Variants in FAM228B observed in about 807,000 individuals in gnomAD.
The protein encoded by FAM228B is family with sequence similarity 228 member B, also known as protein FAM228B.
FAM228B carries 38 observed loss-of-function variants against 42.6 expected under a neutral mutation model. That is an observed-to-expected ratio of 0.89 (90% CI 0.69 to 1.17). FAM228B has a LOEUF of 1.17. FAM228B is among the 50% of genes most tolerant of loss of function. The pLI, the probability that FAM228B is intolerant of heterozygous loss-of-function variation, is 0.00. For synonymous variants in FAM228B, 109 were observed against 122.3 expected (o/e 0.89, Z 0.72); for missense variants, 344 against 367.3 (o/e 0.94, Z 0.52).
At position 24,084,179 on chromosome 2, in the gene FAM228B, C is replaced by G; in HGVS notation, c.-210+3224C>G. The G allele has an allele frequency of 4.4e-6, 7 of 1,607,646 alleles. No individual in the cohort carries two copies. Among genetic ancestry groups the G allele is most frequent in the Non-Finnish European group, 5.9e-6 (7 of 1,177,806 alleles). On this transcript the variant is annotated intron_variant, in intron 2 of 10. Transcript: ENST00000613899. This position sits in a 1 kb window ranked among gnomAD's most constrained non-coding sequence, Gnocchi z 8.4. ...TCCCGCCCGCCCCGGCGCGGCTGAGCCCTGGGTACCTGCATTAAGTCCGCC... is the reference window on the plus strand; with the variant it reads ...TCCCGCCCGCCCCGGCGCGGCTGAGGCCTGGGTACCTGCATTAAGTCCGCC...
In FAM228B at chr2:24,146,744, G is replaced by A; in HGVS notation, c.442-4G>A. 3 of 1,545,054 alleles carry A rather than the reference G, an allele frequency of 1.9e-6. No homozygotes were observed. The highest frequency in any genetic ancestry group is 2.6e-6 in the Non-Finnish European group (3 of 1,143,002). Reference sequence around the variant, plus strand: ...CAGTGCTTAAACAAGTGCCTCTCTTGTAGGTTACCATCCCACCATTTCATG... The same window carrying A: ...CAGTGCTTAAACAAGTGCCTCTCTTATAGGTTACCATCCCACCATTTCATG... On this transcript the variant is annotated splice_polypyrimidine_tract_variant and splice_region_variant and intron_variant, in intron 5 of 10. Coordinates refer to ENST00000615575, the MANE Select transcript of FAM228B (RefSeq NM_001145710.2).
At chr2:24,131,568 G>A (rs1666453650) in intron 2 of FAM228B, among the ~76,000 whole-genome samples, 1 of 152,058 alleles carries the variant, frequency 6.6e-6, no homozygotes, top group Admixed American at 6.6e-5. Flanking sequence ...ATATTCCTAG[G>A]TATTTTATTT....
chr2:24,136,359 G>T (rs1370533323), intron 3 of FAM228B, among the ~76,000 whole-genome samples: 1 of 152,136 alleles, frequency 6.6e-6, no homozygotes, highest in Non-Finnish European at 1.5e-5. Flanking sequence ...AAGTAGCTGG[G>T]ATTATAGGCA....
intron 10 of FAM228B, among the ~76,000 whole-genome samples, chr2:24,168,878 C>T (rs376293762): frequency 2.7e-4 from 41 of 152,246 alleles, no homozygotes; most frequent in African/African-American, 9.1e-4. Flanking sequence ...GTCAAACTAG[C>T]TCAGTGGATT....
intron 7 of FAM228B, among the ~76,000 whole-genome samples, chr2:24,160,608 A>C (rs777626391): frequency 6.6e-6 from 1 of 151,560 alleles, no homozygotes; most frequent in Non-Finnish European, 1.5e-5. Flanking sequence ...TTTCCCCCCA[A>C]TATGCTTGTT....
At chr2:24,161,924 C>T (rs1416301184) in intron 8 of FAM228B, among the ~76,000 whole-genome samples, 2 of 152,036 alleles carry the variant, frequency 1.3e-5, no homozygotes, top group African/African-American at 4.8e-5. Context: ...CATGGTGAAA[C>T]CCTGTCTCTA....
intron 5 of FAM228B, among the ~76,000 whole-genome samples, chr2:24,146,134 G>A (rs767401116): frequency 6.6e-6 from 1 of 152,122 alleles, no homozygotes; most frequent in Non-Finnish European, 1.5e-5. Flanking sequence ...AACTACCCCT[G>A]AAAAACTAGC....
intron 5 of FAM228B, among the ~76,000 whole-genome samples, chr2:24,143,445 T>TG (rs1369096935): frequency 1.3e-5 from 2 of 152,188 alleles, no homozygotes; most frequent in Non-Finnish European, 2.9e-5. Flanking sequence ...CCGCCCGCCT[T>TG]GGCCTCCCAA....
rs1416054079 is a variant in FAM228B at position 24,080,543 on chromosome 2, A to G, written c.-289-333A>G. Among the ~76,000 whole-genome samples the G allele has an allele frequency of 6.6e-6, 1 of 152,180 alleles. No homozygotes were observed. The highest frequency in any genetic ancestry group is 1.5e-5 in the Non-Finnish European group (1 of 68,018). ...CTAAGTGTGGAATGGCTGGTTGGGA[A>G]GAAAAGGTGCTGGATAATTCCAGAC... On this transcript the variant is annotated intron_variant, in intron 1 of 10. Transcript: ENST00000613899. This position sits in a 1 kb window ranked among gnomAD's most constrained non-coding sequence, Gnocchi z 4.7.
chr2:24,119,107 T>C (rs1666016632), upstream of FAM228B, among the ~76,000 whole-genome samples: 1 of 152,156 alleles, frequency 6.6e-6, no homozygotes, highest in African/African-American at 2.4e-5. Flanking sequence ...TTCCTTTTCC[T>C]GTAAAATGTC....
intron 3 of FAM228B, among the ~76,000 whole-genome samples, chr2:24,108,708 T>C (rs953357984): frequency 6.6e-6 from 1 of 151,996 alleles, no homozygotes; most frequent in Non-Finnish European, 1.5e-5. Flanking sequence ...GAGACCATCC[T>C]AGCTAACACG....
chr2:24,111,530 T>C (rs1459023251), intron 3 of FAM228B, among the ~76,000 whole-genome samples: 3 of 152,156 alleles, frequency 2.0e-5, no homozygotes, highest in African/African-American at 7.2e-5. Flanking sequence ...TCAGTCTTTG[T>C]TTAGCTTTGG....
chr2:24,149,957 A>T (rs909782704), intron 7 of FAM228B, among the ~76,000 whole-genome samples: 1 of 152,242 alleles, frequency 6.6e-6, no homozygotes, highest in African/African-American at 2.4e-5. Context: ...GACTGATTGC[A>T]TATACAAACG....
intron 7 of FAM228B, among the ~76,000 whole-genome samples, chr2:24,157,770 C>A (rs1667183232): frequency 6.6e-6 from 1 of 151,982 alleles, no homozygotes; most frequent in Non-Finnish European, 1.5e-5. Flanking sequence ...CCAAGCCATA[C>A]CCTAGACAAA....
At chr2:24,104,474 C>T (rs1218617296) in intron 3 of FAM228B, among the ~76,000 whole-genome samples, 1 of 152,228 alleles carries the variant, frequency 6.6e-6, no homozygotes, top group African/African-American at 2.4e-5. Flanking sequence ...CAACACCAGC[C>T]TCTAGCCCAG....
In FAM228B at chr2:24,092,413, A is replaced by G. The variant is rs931125779; in HGVS notation, c.-209-2728A>G. Among the ~76,000 whole-genome samples, 66 of 151,912 alleles carry G rather than the reference A, an allele frequency of 4.3e-4. 1 individual carries two copies. The highest frequency in any genetic ancestry group is 1.5e-3 in the African/African-American group (62 of 41,422). ...AACATGGTGAAACCCCATCTCTACT[A>G]AAAATACAAAAATTAGCTGGGTAGT... On this transcript the variant is annotated intron_variant, in intron 2 of 10. Transcript: ENST00000613899.
At chr2:24,116,593 G>A (rs1027410811) in intron 3 of FAM228B, among the ~76,000 whole-genome samples, 12 of 151,658 alleles carry the variant, frequency 7.9e-5, no homozygotes, top group East Asian at 2.0e-4. Context: ...AGTGGCTCAC[G>A]CCTATAATCC....
At chr2:24,111,861 C>CA (rs34137148) in intron 3 of FAM228B, among the ~76,000 whole-genome samples, 17,998 of 151,154 alleles carry the variant, frequency 0.12, 1,243 homozygotes, top group South Asian at 0.18. Flanking sequence ...TCCCATCTGC[C>CA]AAAAAAAACC....
chr2:24,077,640 G>A lies in FAM228B; in HGVS notation c.-290+671G>A. The A allele has an allele frequency of 6.2e-7, 1 of 1,614,082 alleles. No homozygotes were observed. The highest frequency in any genetic ancestry group is 8.5e-7 in the Non-Finnish European group (1 of 1,179,992). On this transcript the variant is annotated intron_variant, in intron 1 of 10. Coordinates refer to the FAM228B transcript ENST00000613899. The surrounding 1 kb of genome is among the most constrained non-coding windows in gnomAD (Gnocchi z 5.5). ...CTTGTTGGCCTCCATGTACTTATGG[G>A]CCTCCTGGATTTCGGTCACTGGGTA...
Sources: allele counts gnomAD v4.1 joint callset (sites outside exome capture counted in the v4.1 genomes callset), GRCh38; gene constraint gnomAD v4.1.1; non-coding constraint Gnocchi (gnomAD v3.1); transcripts MANE v1.5; gene names NCBI Gene and HGNC (gene_info 2026-07-23, HGNC 2026-07-21).